The following TRAK1 variants were observed in gnomAD, a reference collection of about 807,000 sequenced individuals.
TRAK1 encodes trafficking kinesin-binding protein 1.
In TRAK1, 33 loss-of-function variants were observed where a neutral mutation model predicts 92.1. The ratio of observed to expected loss-of-function variants is 0.36; its 90% confidence interval spans 0.27 to 0.48. The LOEUF (loss-of-function observed/expected upper bound fraction) is 0.48. Among genes scored for constraint, TRAK1 ranks in the 20% least tolerant of loss-of-function variants. The pLI, the probability that TRAK1 is intolerant of heterozygous loss-of-function variation, is 0.99. For missense variants in TRAK1, 1,123 were observed against 1,257.9 expected (o/e 0.89, Z 1.62); for synonymous variants, 521 against 517.3 (o/e 1.01, Z -0.10).
intron 13 of TRAK1, among the ~76,000 whole-genome samples, chr3:42,205,560 T>C (rs138196469): frequency 9.2e-5 from 14 of 152,364 alleles, no homozygotes; most frequent in African/African-American, 2.6e-4. Flanking sequence ...TAGAAAGATA[T>C]CTGTGTTAAA....
intron 1 of TRAK1, among the ~76,000 whole-genome samples, chr3:42,080,356 C>G (rs1368133649): frequency 1.3e-5 from 2 of 152,192 alleles, no homozygotes; most frequent in African/African-American, 2.4e-5. Context: ...TCCATGTATA[C>G]TTTATCCTAC....
chr3:42,178,867 C>T lies in TRAK1; in HGVS notation c.363+1977C>T, dbSNP rs151005586. Among the ~76,000 whole-genome samples, 749 of 152,086 alleles carry T rather than the reference C, an allele frequency of 4.9e-3. 8 individuals are homozygous for T. Among genetic ancestry groups the T allele is most frequent in the African/African-American group, 0.017 (705 of 41,496 alleles). On this transcript the variant is annotated intron_variant, in intron 3 of 15. Coordinates refer to ENST00000327628, the MANE Select transcript of TRAK1 (RefSeq NM_001042646.3). The stretch of plus-strand genomic sequence containing the variant: ...GCCTGTGCCTGTAATCCCAGCTACT[C>T]GGGAGGCTGAGGTAGGAGGATCGCT...
chr3:42,127,854 C>T (rs1439834535), intron 2 of TRAK1, among the ~76,000 whole-genome samples: 1 of 152,114 alleles, frequency 6.6e-6, no homozygotes, highest in Non-Finnish European at 1.5e-5. Flanking sequence ...TACTCCATGA[C>T]ACTGAGCCAC....
intron 3 of TRAK1, among the ~76,000 whole-genome samples, chr3:42,183,580 G>GAATC: frequency 7.6e-6 from 1 of 131,562 alleles, no homozygotes; most frequent in South Asian, 2.5e-4. Context: ...AAGAAAGAAA[G>GAATC]AATCAATCTG....
chr3:42,217,929 T>C (rs1044505956), intron 14 of TRAK1: 2 of 985,222 alleles, frequency 2.0e-6, no homozygotes, highest in Non-Finnish European at 2.4e-6. Context: ...TTGAGAAAGA[T>C]TCATAAAGGC....
At chr3:42,163,310 C>A (rs1288304070) in intron 2 of TRAK1, among the ~76,000 whole-genome samples, 1 of 152,130 alleles carries the variant, frequency 6.6e-6, no homozygotes, top group Non-Finnish European at 1.5e-5. Context: ...GTGGCTCACA[C>A]CTGTAATCCC....
At position 42,224,057 on chromosome 3, in the gene TRAK1, G is replaced by C; in HGVS notation, c.*320G>C. 1.9e-6 allele frequency: 1 copy of C among 513,750 alleles called. No individual in the cohort carries two copies. The highest frequency in any genetic ancestry group is 3.8e-6 in the Non-Finnish European group (1 of 265,248). The allele number at this position is 513,750 out of a possible 1,614,324, so 31.8% of individuals were successfully genotyped here. ...GTGGGGTCCTTTCTTCTTTCCTTTTGAGAAGCACTGAAACTCCCAAGTGTG... is the reference window on the plus strand; with the variant it reads ...GTGGGGTCCTTTCTTCTTTCCTTTTCAGAAGCACTGAAACTCCCAAGTGTG... On this transcript the variant is annotated 3_prime_UTR_variant, in exon 16 of 16. Coordinates refer to ENST00000327628, the MANE Select transcript of TRAK1 (RefSeq NM_001042646.3).
chr3:42,111,820 C>G (rs1029594365), intron 1 of TRAK1, among the ~76,000 whole-genome samples: 1 of 151,876 alleles, frequency 6.6e-6, no homozygotes, highest in African/African-American at 2.4e-5. Context: ...TTTTGTAACC[C>G]CTATGACAAA....
chr3:42,188,176 G>T, intron 5 of TRAK1, 31 bp downstream of exon 5: 2 of 1,606,188 alleles, frequency 1.2e-6, no homozygotes, highest in Non-Finnish European at 1.7e-6. Context: ...ATTTCTGGAG[G>T]CCAGAGCACA....
At chr3:42,208,671 C>T (rs895376412) in intron 13 of TRAK1, among the ~76,000 whole-genome samples, 8 of 152,224 alleles carry the variant, frequency 5.3e-5, no homozygotes, top group Non-Finnish European at 8.8e-5. Context: ...TCCTGCCTTT[C>T]GGTGCCCGAG....
chr3:42,138,645 CG>C (rs1291573131), intron 2 of TRAK1, among the ~76,000 whole-genome samples: 2 of 150,860 alleles, frequency 1.3e-5, no homozygotes, highest in African/African-American at 2.4e-5. Flanking sequence ...CCAGCACTCC[CG>C]GGGGCTGAGG....
At chr3:42,031,979 A>G (rs1216066626) in intron 1 of TRAK1, among the ~76,000 whole-genome samples, 1 of 151,812 alleles carries the variant, frequency 6.6e-6, no homozygotes, top group Non-Finnish European at 1.5e-5. Context: ...AGCATGGGTT[A>G]GGGGGCGGGG....
chr3:42,160,555 A>AATT, intron 2 of TRAK1: 1 of 1,348,356 alleles, frequency 7.4e-7, no homozygotes, highest in Non-Finnish European at 1.0e-6. Context: ...ATTTCATAGC[A>AATT]CTGTTTTGTT....
chr3:42,095,868 CA>C (rs1333951496), intron 1 of TRAK1, among the ~76,000 whole-genome samples: 1 of 152,196 alleles, frequency 6.6e-6, no homozygotes, highest in Non-Finnish European at 1.5e-5. Context: ...GGTTAGGTCA[CA>C]GGGGCAGAGC....
At chr3:42,148,323 C>T (rs911872402) in intron 2 of TRAK1, among the ~76,000 whole-genome samples, 4 of 152,122 alleles carry the variant, frequency 2.6e-5, no homozygotes, top group African/African-American at 9.7e-5. Flanking sequence ...AATTACCTAA[C>T]CTCAAATGTC....
At position 42,115,372 on chromosome 3, in the gene TRAK1, C is replaced by A. The variant is rs1709039031; in HGVS notation, c.92-10048C>A. Among the ~76,000 whole-genome samples, 6 of 152,178 alleles carry A rather than the reference C, an allele frequency of 3.9e-5. No homozygotes were observed. In the South Asian group the frequency reaches 1.2e-3, roughly 32 times the overall value. On this transcript the variant is annotated intron_variant, in intron 1 of 15. Coordinates refer to ENST00000327628, the MANE Select transcript of TRAK1 (RefSeq NM_001042646.3). ...CTTGTTGAGCAACAAACTGGCATGC[C>A]CAAGTGGAATGCGCCACATTCAGTT...
rs187440888 is a variant in TRAK1 at position 42,038,210 on chromosome 3, G to A, written c.-519+24093G>A. ...GTCAGAGACGTCCCAGAAGTTTACA[G>A]CATGGTGGTGGCTTTAAAATCTTTT... On this transcript the variant is annotated intron_variant, in intron 1 of 16. Transcript: ENST00000487159. Among the ~76,000 whole-genome samples, 74 of 152,354 alleles carry A rather than the reference G, an allele frequency of 4.9e-4. 1 individual carries two copies. Among genetic ancestry groups the A allele is most frequent in the African/African-American group, 1.7e-3 (71 of 41,586 alleles).
At chr3:42,205,636 G>A (rs2149488690) in intron 13 of TRAK1, among the ~76,000 whole-genome samples, 2 of 152,266 alleles carry the variant, frequency 1.3e-5, no homozygotes, top group South Asian at 4.1e-4. Flanking sequence ...TCATAACCAA[G>A]GTAGCATTTC....
intron 1 of TRAK1, among the ~76,000 whole-genome samples, chr3:42,044,425 G>T (rs183627816): frequency 2.0e-5 from 3 of 152,240 alleles, no homozygotes; most frequent in Admixed American, 6.5e-5. Flanking sequence ...GTCTCCCAAA[G>T]TGCTGGGAAT....
Sources: gnomAD v4.1 joint callset for allele counts (sites outside exome capture counted in the v4.1 genomes callset) on GRCh38, gnomAD v4.1.1 for gene constraint, MANE v1.5 for transcripts, NCBI Gene and HGNC (gene_info 2026-07-23, HGNC 2026-07-21) for gene names.